The following GRK5 variants were observed in gnomAD, a reference collection of about 807,000 sequenced individuals.
The protein encoded by GRK5 is g protein-coupled receptor kinase GRK5.
In GRK5, 40 loss-of-function variants were observed where a neutral mutation model predicts 78.4. The observed-to-expected ratio is 0.51, with a 90% confidence interval of 0.40 to 0.66. The LOEUF (loss-of-function observed/expected upper bound fraction) is 0.66. Ranked by LOEUF, GRK5 falls within the 30% of genes least tolerant of loss-of-function variation. GRK5 has a pLI of 0.00. For synonymous variants in GRK5, 289 were observed against 296.8 expected, an observed-to-expected ratio of 0.97 and a Z score of 0.27; for missense variants, 598 against 759.9, an observed-to-expected ratio of 0.79 and a Z score of 2.50.
chr10:119,331,329 G>C (rs188623357), intron 2 of GRK5, among the ~76,000 whole-genome samples: 1 of 152,368 alleles, frequency 6.6e-6, no homozygotes, highest in African/African-American at 2.4e-5. Flanking sequence ...GGGCAGGAAG[G>C]CTGACGTGAG....
chr10:119,439,813 C>G (rs763979255), intron 10 of GRK5, 45 bp downstream of exon 10: 1 of 1,589,240 alleles, frequency 6.3e-7, no homozygotes, highest in South Asian at 1.1e-5. Flanking sequence ...ATTGCAACCC[C>G]AAGAAAGCAA....
intron 3 of GRK5, among the ~76,000 whole-genome samples, chr10:119,395,962 C>T (rs539692266): frequency 1.3e-5 from 2 of 152,286 alleles, no homozygotes; most frequent in South Asian, 2.1e-4. Flanking sequence ...CTGGCTCTTT[C>T]GAGGTTCAGA....
intron 8 of GRK5, among the ~76,000 whole-genome samples, chr10:119,435,911 A>G (rs1210437681): frequency 6.6e-6 from 1 of 152,246 alleles, no homozygotes; most frequent in Non-Finnish European, 1.5e-5. Context: ...CCCCACAATC[A>G]TGGCAGAAGG....
chr10:119,210,159 A>T (rs1040941231), intron 1 of GRK5, among the ~76,000 whole-genome samples: 3 of 151,840 alleles, frequency 2.0e-5, no homozygotes, highest in African/African-American at 7.3e-5. Flanking sequence ...TTTTCCTTTT[A>T]AAGGCTTTTT....
At chr10:119,450,418 T>C (rs1323155339) in intron 13 of GRK5, among the ~76,000 whole-genome samples, 1 of 151,628 alleles carries the variant, frequency 6.6e-6, no homozygotes, top group East Asian at 2.0e-4. Context: ...GGAGCAGGGG[T>C]GTCAGCAAAA....
chr10:119,405,371 T>C (rs1852219312), intron 4 of GRK5, among the ~76,000 whole-genome samples: 1 of 152,108 alleles, frequency 6.6e-6, no homozygotes, highest in South Asian at 2.1e-4. Context: ...TTTGTTTCAA[T>C]AAACAATGAT....
chr10:119,245,876 T>C lies in GRK5; in HGVS notation c.52+37907T>C, dbSNP rs772355069. On this transcript the variant is annotated intron_variant, in intron 1 of 15. Coordinates refer to ENST00000392870, the MANE Select transcript of GRK5 (RefSeq NM_005308.3). Reference sequence around the variant, plus strand: ...ACTAAAAAAATACAAAAAAGTTAGCTGGGCATGGTGGCGGGTGCCTGTAGT... The same window carrying C: ...ACTAAAAAAATACAAAAAAGTTAGCCGGGCATGGTGGCGGGTGCCTGTAGT... 3.3e-5 allele frequency among the ~76,000 whole-genome samples: 5 copies of C among 151,450 alleles called. No homozygotes were observed. The East Asian group carries it at 5.8e-4, about 18-fold the overall frequency.
chr10:119,253,843 CA>C lies in GRK5; in HGVS notation c.52+45875del, dbSNP rs1849239454. Among the ~76,000 whole-genome samples, 1 of 69,384 alleles carries C rather than the reference CA, an allele frequency of 1.4e-5. No homozygotes were observed. Among genetic ancestry groups the C allele is most frequent in the Non-Finnish European group, 3.0e-5 (1 of 33,698 alleles). The allele number at this position is 69,384 out of a possible 152,430, so 45.5% of individuals were successfully genotyped here. A position where few individuals can be genotyped will look rare whatever the true frequency, so the allele number is the denominator to read the frequency against. On this transcript the variant is annotated intron_variant, in intron 1 of 15. Transcript: ENST00000392870. This position sits in a 1 kb window ranked among gnomAD's most constrained non-coding sequence, Gnocchi z 5.7. ...TTGGGTTCCTGGTGGTTCTTTGCCCCAGGGGTGTGTGTGTGTGTGTGTGTGT... is the reference window on the plus strand; with the variant it reads ...TTGGGTTCCTGGTGGTTCTTTGCCCCGGGGTGTGTGTGTGTGTGTGTGTGT...
At chr10:119,411,008 A>G (rs1478470937) in intron 4 of GRK5, among the ~76,000 whole-genome samples, 3 of 150,916 alleles carry the variant, frequency 2.0e-5, no homozygotes, top group African/African-American at 7.3e-5. Flanking sequence ...CTTAGGGTGG[A>G]CCTCATGGCC....
At chr10:119,394,006 TG>T (rs879573721) in intron 3 of GRK5, among the ~76,000 whole-genome samples, 21 of 147,940 alleles carry the variant, frequency 1.4e-4, no homozygotes, top group South Asian at 2.2e-4. Flanking sequence ...TGTCTGGGTC[TG>T]GGGGGGTGCG....
intron 2 of GRK5, among the ~76,000 whole-genome samples, chr10:119,362,338 A>G (rs1434000285): frequency 6.6e-6 from 1 of 152,230 alleles, no homozygotes; most frequent in African/African-American, 2.4e-5. Flanking sequence ...GAACCCCAGG[A>G]CACTTGAGTC....
chr10:119,313,112 AGTGGTGATGGTG>A (rs1850409877), intron 1 of GRK5, among the ~76,000 whole-genome samples: 2 of 92,266 alleles, frequency 2.2e-5, no homozygotes, highest in African/African-American at 9.3e-5. Flanking sequence ...TAATGATGGT[AGTGGTGATGGTG>A]ATGATGGTAA....
intron 1 of GRK5, among the ~76,000 whole-genome samples, chr10:119,241,105 G>C (rs1281014581): frequency 2.0e-5 from 3 of 152,184 alleles, no homozygotes; most frequent in African/African-American, 7.2e-5. Context: ...CCGTGTTCTA[G>C]TCCCTTGTTG....
intron 1 of GRK5, among the ~76,000 whole-genome samples, chr10:119,270,597 G>A (rs1454539432): frequency 6.6e-6 from 1 of 152,210 alleles, no homozygotes; most frequent in Admixed American, 6.5e-5. Context: ...GGGGACAATT[G>A]TTCACCTCCA....
chr10:119,290,145 G>A (rs549640584), intron 1 of GRK5, among the ~76,000 whole-genome samples: 3 of 152,088 alleles, frequency 2.0e-5, no homozygotes, highest in African/African-American at 4.8e-5. Flanking sequence ...TCAGGAGTTC[G>A]AGACTACCCT....
intron 2 of GRK5, among the ~76,000 whole-genome samples, chr10:119,339,077 G>A (rs1850940182): frequency 6.6e-6 from 1 of 152,214 alleles, no homozygotes; most frequent in South Asian, 2.1e-4. Context: ...CTTTGCACTT[G>A]CATCCACAGA....
At chr10:119,306,601 T>G (rs1377595065) in intron 1 of GRK5, among the ~76,000 whole-genome samples, 2 of 152,124 alleles carry the variant, frequency 1.3e-5, no homozygotes, top group Non-Finnish European at 2.9e-5. Flanking sequence ...CAGAGCACCT[T>G]CTCTTGGCCC....
chr10:119,357,300 A>G (rs1174661277), intron 2 of GRK5, among the ~76,000 whole-genome samples: 1 of 152,198 alleles, frequency 6.6e-6, no homozygotes, highest in Non-Finnish European at 1.5e-5. Context: ...GCTCTAGGCA[A>G]ATTCCCTCAG....
intron 1 of GRK5, among the ~76,000 whole-genome samples, chr10:119,210,869 A>G (rs10466210): frequency 0.93 from 142,277 of 152,316 alleles, 66,490 homozygotes; most frequent in Non-Finnish European, 0.94. Context: ...TAACACTGGG[A>G]CCTATCTTTT....
Sources: allele counts gnomAD v4.1 joint callset (sites outside exome capture counted in the v4.1 genomes callset), GRCh38; gene constraint gnomAD v4.1.1; non-coding constraint Gnocchi (gnomAD v3.1); transcripts MANE v1.5; gene names NCBI Gene and HGNC (gene_info 2026-07-23, HGNC 2026-07-21).